The following ANKFN1 variants were observed in gnomAD, a reference collection of about 807,000 sequenced individuals.
ANKFN1 encodes the protein ankyrin repeat and fibronectin type III domain containing 1.
In ANKFN1, 74 loss-of-function variants were observed where a neutral mutation model predicts 108.7. The ratio of observed to expected loss-of-function variants is 0.68; its 90% CI spans 0.56 to 0.83. ANKFN1 has a LOEUF of 0.83. Among genes scored for constraint, ANKFN1 ranks in the 40% least tolerant of loss-of-function variants. The pLI is 0.00. For missense variants in ANKFN1, 1,505 were observed against 1,382.3 expected, an observed-to-expected ratio of 1.09 and a Z score of -1.41; for synonymous variants, 547 against 516.2, an observed-to-expected ratio of 1.06 and a Z score of -0.81.
intron 8 of ANKFN1, among the ~76,000 whole-genome samples, chr17:56,402,234 TTCTC>T (rs2047785672): frequency 6.6e-6 from 1 of 152,270 alleles, no homozygotes; most frequent in African/African-American, 2.4e-5. Flanking sequence ...AGTTCCTTCT[TTCTC>T]TATCTTATGG....
intron 4 of ANKFN1, among the ~76,000 whole-genome samples, chr17:56,081,168 C>T (rs1905240795): frequency 6.6e-6 from 1 of 152,110 alleles, no homozygotes. Context: ...AACTGAGAGG[C>T]ATACGGCAGA....
chr17:56,449,671 G>A (rs946271763), intron 11 of ANKFN1, among the ~76,000 whole-genome samples: 1 of 151,994 alleles, frequency 6.6e-6, no homozygotes, highest in Admixed American at 6.6e-5. Context: ...TCCTCATTTT[G>A]GTAATTACCA....
At chr17:56,507,718 T>C (rs1306670410) in intron 20 of ANKFN1, among the ~76,000 whole-genome samples, 1 of 152,218 alleles carries the variant, frequency 6.6e-6, no homozygotes, top group African/African-American at 2.4e-5. Flanking sequence ...TATCTACTAA[T>C]AACTTTGAGG....
At chr17:56,175,858 C>A (rs145545109) in intron 1 of ANKFN1, among the ~76,000 whole-genome samples, 1 of 143,818 alleles carries the variant, frequency 7.0e-6, no homozygotes, top group African/African-American at 2.6e-5. Context: ...TTGATGCAGC[C>A]ACAGTTTACA....
chr17:56,277,835 T>G (rs529628381), intron 3 of ANKFN1, among the ~76,000 whole-genome samples: 1 of 152,322 alleles, frequency 6.6e-6, no homozygotes, highest in South Asian at 2.1e-4. Flanking sequence ...TATATGTTTA[T>G]GTAGGAGAAT....
At chr17:56,467,791 G>GAAGAAAGA (rs1555660585) in intron 15 of ANKFN1, among the ~76,000 whole-genome samples, 254 of 54,980 alleles carry the variant, frequency 4.6e-3, no homozygotes, top group South Asian at 9.4e-3. Flanking sequence ...AAGAAAGAAA[G>GAAGAAAGA]AAGAAAGAAA....
intron 8 of ANKFN1, among the ~76,000 whole-genome samples, chr17:56,420,683 CTTTTTTT>C (rs755355387): frequency 8.4e-6 from 1 of 119,610 alleles, no homozygotes; most frequent in Non-Finnish European, 1.8e-5. Context: ...CTGACTCCTT[CTTTTTTT>C]TTTTTTTTTT....
chr17:56,096,967 A>G (rs920531084), intron 4 of ANKFN1, among the ~76,000 whole-genome samples: 2 of 152,204 alleles, frequency 1.3e-5, no homozygotes, highest in Admixed American at 6.5e-5. Flanking sequence ...TTGCAGCAAC[A>G]TACATGGAGC....
intron 8 of ANKFN1, among the ~76,000 whole-genome samples, chr17:56,426,549 T>C (rs1191969830): frequency 1.3e-5 from 2 of 152,172 alleles, no homozygotes. Flanking sequence ...TTGTGAATGT[T>C]GAAAATTTAG....
intron 18 of ANKFN1, among the ~76,000 whole-genome samples, chr17:56,482,971 AT>A (rs1033400517): frequency 2.0e-5 from 3 of 152,030 alleles, no homozygotes; most frequent in African/African-American, 7.2e-5. Context: ...AGAGAAAAAA[AT>A]AATAATGAAA....
chr17:56,049,713 A>G (rs1904741548), intron 4 of ANKFN1, among the ~76,000 whole-genome samples: 1 of 149,396 alleles, frequency 6.7e-6, no homozygotes, highest in African/African-American at 2.5e-5. Flanking sequence ...CCTACAAAGG[A>G]CATGAACTCA....
chr17:56,124,589 A>G (rs1241370702), intron 4 of ANKFN1, among the ~76,000 whole-genome samples: 3 of 152,046 alleles, frequency 2.0e-5, no homozygotes, highest in Non-Finnish European at 4.4e-5. Flanking sequence ...CTTGTTCAGG[A>G]CCCCAGTCAA....
chr17:56,326,141 TTGCATTAAGAG>T lies in ANKFN1; in HGVS notation c.54-78_54-68del, dbSNP rs1270601818. ...CCTATGCATCATTTCCTCTTTTATT[TTGCATTAAGAG>T]TATCTTCATGATCATGGACTTCGGC... On this transcript the variant is annotated intron_variant, in intron 3 of 20. Coordinates refer to ENST00000682825, the MANE Select transcript of ANKFN1 (RefSeq NM_001370326.1). 94 of 1,487,366 alleles carry T rather than the reference TTGCATTAAGAG, an allele frequency of 6.3e-5. No homozygotes were observed. The African/African-American group carries it at 1.2e-3, about 19-fold the overall frequency. 92.1% of individuals were successfully genotyped at this position (1,487,366 alleles called of 1,614,324 possible). A position where few individuals can be genotyped will look rare whatever the true frequency, so the allele number is the denominator to read the frequency against.
At chr17:56,451,956 C>A (rs1438868136) in intron 11 of ANKFN1, among the ~76,000 whole-genome samples, 2 of 152,196 alleles carry the variant, frequency 1.3e-5, no homozygotes, top group Non-Finnish European at 2.9e-5. Flanking sequence ...ACATTAATTT[C>A]TGCATTTTGG....
upstream of ANKFN1, among the ~76,000 whole-genome samples, chr17:56,151,530 A>G (rs537045503): frequency 3.2e-4 from 48 of 152,278 alleles, no homozygotes; most frequent in South Asian, 3.1e-3. Context: ...CAGCCTGTCT[A>G]CTACTAGGAA....
At chr17:56,440,240 T>C in intron 8 of ANKFN1, 87 bp from the exon 9 acceptor site, 1 of 719,894 alleles carries the variant, frequency 1.4e-6, no homozygotes, top group Non-Finnish European at 2.3e-6. Context: ...AGGGATTGTA[T>C]GCTAGAGTTT....
chr17:56,106,435 C>G (rs1018733075), intron 4 of ANKFN1, among the ~76,000 whole-genome samples: 21 of 152,216 alleles, frequency 1.4e-4, no homozygotes, highest in African/African-American at 4.6e-4. Context: ...GATCCCCTTA[C>G]CGATAAAACA....
At chr17:56,124,909 G>A (rs576175367) in intron 4 of ANKFN1, among the ~76,000 whole-genome samples, 1 of 152,306 alleles carries the variant, frequency 6.6e-6, no homozygotes, top group South Asian at 2.1e-4. Flanking sequence ...TAATGGCAAG[G>A]TGACACTATT....
intron 3 of ANKFN1, among the ~76,000 whole-genome samples, chr17:56,324,006 A>G (rs1399052506): frequency 6.6e-6 from 1 of 152,228 alleles, no homozygotes; most frequent in Non-Finnish European, 1.5e-5. Context: ...GTTTAAGCCA[A>G]GATTCCAAGG....
Sources: allele counts gnomAD v4.1 joint callset (sites outside exome capture counted in the v4.1 genomes callset), GRCh38; gene constraint gnomAD v4.1.1; transcripts MANE v1.5; gene names NCBI Gene and HGNC (gene_info 2026-07-23, HGNC 2026-07-21).